DCC: variants seen among roughly 807,000 people sequenced by gnomAD.
The protein encoded by DCC is netrin receptor DCC.
In DCC, 58 loss-of-function variants were observed where a neutral mutation model predicts 172.5. That is an observed-to-expected ratio of 0.34 (90% CI 0.27 to 0.42). DCC has a LOEUF of 0.42. Ranked by LOEUF, DCC falls within the 10% of genes least tolerant of loss-of-function variation. DCC has a pLI of 1.00. For missense variants in DCC, 1,740 were observed against 1,791.0 expected (o/e 0.97, Z 0.51); for synonymous variants, 709 against 644.5 (o/e 1.10, Z -1.52).
chr18:53,355,745 A>G (rs562542989), intron 15 of DCC, among the ~76,000 whole-genome samples: 15 of 152,174 alleles, frequency 9.9e-5, no homozygotes, highest in Non-Finnish European at 2.1e-4. Context: ...CTCTTTTCCT[A>G]ATTGAATACC....
At chr18:53,496,716 G>A (rs1320685366) in intron 26 of DCC, among the ~76,000 whole-genome samples, 2 of 152,158 alleles carry the variant, frequency 1.3e-5, no homozygotes, top group Admixed American at 1.3e-4. Flanking sequence ...CCCAATGCAC[G>A]GAAGTTAAGA....
rs2045526242 is a variant in DCC at position 53,459,567 on chromosome 18, G to A, written c.3619+109G>A. ...CCCTACTAATTTGCATGTCATTATG[G>A]GTCATTTATCAATAGTTAAATGGAT... On this transcript the variant is annotated intron_variant, in intron 24 of 28. Coordinates refer to ENST00000442544, the MANE Select transcript of DCC (RefSeq NM_005215.4). The A allele has an allele frequency of 4.0e-6, 3 of 758,602 alleles. No individual in the cohort carries two copies. In the African/African-American group the frequency reaches 5.2e-5, roughly 13 times the overall value. The allele number at this position is 758,602 out of a possible 1,614,324, so 47.0% of individuals were successfully genotyped here. A position where few individuals can be genotyped will look rare whatever the true frequency, so the allele number is the denominator to read the frequency against.
At chr18:52,928,350 G>A (rs2040251623) in intron 5 of DCC, among the ~76,000 whole-genome samples, 1 of 152,040 alleles carries the variant, frequency 6.6e-6, no homozygotes, top group Non-Finnish European at 1.5e-5. Context: ...TTATTACCTG[G>A]ATGACAAAAT....
chr18:52,458,562 T>G lies in DCC; in HGVS notation c.91+117684T>G, dbSNP rs1988529221. ...GTTCCTCTCTTACACCCTTTTTCTT[T>G]TCCTTCCCCCATCCTACTCCTAACA... On this transcript the variant is annotated intron_variant, in intron 1 of 28. Coordinates refer to ENST00000442544, the MANE Select transcript of DCC (RefSeq NM_005215.4). Among the ~76,000 whole-genome samples the G allele has an allele frequency of 3.9e-5, 6 of 152,156 alleles. No individual in the cohort carries two copies. The South Asian group carries it at 1.2e-3, about 32-fold the overall frequency.
At chr18:53,402,398 A>AT (rs1568108991) in intron 18 of DCC, among the ~76,000 whole-genome samples, 8 of 62,380 alleles carry the variant, frequency 1.3e-4, no homozygotes, top group Admixed American at 3.5e-4. Flanking sequence ...TCAAAAAAAA[A>AT]AAAAAATAAA....
chr18:52,780,360 T>C (rs6508160), intron 2 of DCC, among the ~76,000 whole-genome samples: 148,963 of 152,238 alleles, frequency 0.98, 72,959 homozygotes, highest in East Asian at 1. Flanking sequence ...AATTATTAAT[T>C]CCAGTTTTTA....
chr18:53,451,481 G>A (rs566263958), intron 23 of DCC, among the ~76,000 whole-genome samples: 9 of 152,232 alleles, frequency 5.9e-5, no homozygotes, highest in Admixed American at 5.2e-4. Flanking sequence ...TCAGCCTGAT[G>A]TGTCTTTTTC....
chr18:52,495,180 G>A (rs1289104700), intron 1 of DCC, among the ~76,000 whole-genome samples: 1 of 152,104 alleles, frequency 6.6e-6, no homozygotes, highest in Non-Finnish European at 1.5e-5. Context: ...CTGCTTCTCA[G>A]AGGCTTTGTA....
intron 21 of DCC, among the ~76,000 whole-genome samples, chr18:53,420,022 T>G (rs938531207): frequency 6.6e-6 from 1 of 151,782 alleles, no homozygotes; most frequent in Non-Finnish European, 1.5e-5. Context: ...CCTGGCTAAT[T>G]TTTTTGTCTT....
chr18:53,320,177 A>G lies in DCC; in HGVS notation c.2054-1870A>G, dbSNP rs184661403. Among the ~76,000 whole-genome samples, 681 of 143,256 alleles carry G rather than the reference A, an allele frequency of 4.8e-3. 8 individuals are homozygous for G. Among genetic ancestry groups the G allele is most frequent in the African/African-American group, 0.017 (634 of 38,022 alleles). The allele number at this position is 143,256 out of a possible 152,430, so 94.0% of individuals were successfully genotyped here. On this transcript the variant is annotated intron_variant, in intron 13 of 28. Coordinates refer to ENST00000442544, the MANE Select transcript of DCC (RefSeq NM_005215.4). ...AAGCTCTGCCTCCCGGGTCCATGCCATTCTCCTGCCTCAGCCTCCCGAGTA... is the reference window on the plus strand; with the variant it reads ...AAGCTCTGCCTCCCGGGTCCATGCCGTTCTCCTGCCTCAGCCTCCCGAGTA...
At chr18:52,789,442 C>T (rs147381161) in intron 2 of DCC, among the ~76,000 whole-genome samples, 4 of 152,144 alleles carry the variant, frequency 2.6e-5, no homozygotes, top group Non-Finnish European at 4.4e-5. Context: ...CAAGAAGAGA[C>T]AAACATAAAG....
intron 2 of DCC, among the ~76,000 whole-genome samples, chr18:52,781,613 TCATC>T (rs1414522234): frequency 5.3e-5 from 8 of 151,884 alleles, no homozygotes; most frequent in Non-Finnish European, 7.4e-5. Context: ...GCCATCCACT[TCATC>T]CTCCAGTCTG....
intron 1 of DCC, among the ~76,000 whole-genome samples, chr18:52,500,006 C>T (rs1015602537): frequency 6.6e-6 from 1 of 152,116 alleles, no homozygotes; most frequent in Admixed American, 6.6e-5. Flanking sequence ...ACACCTTTCC[C>T]AGCCTCCATT....
At position 53,531,029 on chromosome 18, in the gene DCC, G is replaced by C. The variant is rs1324133075; in HGVS notation, c.*376G>C. The C allele has an allele frequency of 2.9e-6, 1 of 345,692 alleles. No individual in the cohort carries two copies. The highest frequency in any genetic ancestry group is 6.9e-5 in the East Asian group (1 of 14,394). 21.4% of individuals were successfully genotyped at this position (345,692 alleles called of 1,614,324 possible). ...ATGTGTAGGTCTAGTCTTACAAAAT[G>C]CAAGTGCATTATTTAAGCCTGTACC... On this transcript the variant is annotated 3_prime_UTR_variant, in exon 29 of 29. Coordinates refer to ENST00000442544, the MANE Select transcript of DCC (RefSeq NM_005215.4).
chr18:53,163,961 C>G (rs889470397), intron 8 of DCC, among the ~76,000 whole-genome samples: 2 of 152,126 alleles, frequency 1.3e-5, no homozygotes, highest in Non-Finnish European at 2.9e-5. Flanking sequence ...AGTATGTTTA[C>G]CAAGATGAGA....
At chr18:52,946,800 T>C (rs1170314422) in intron 5 of DCC, among the ~76,000 whole-genome samples, 2 of 152,130 alleles carry the variant, frequency 1.3e-5, no homozygotes, top group South Asian at 2.1e-4. Flanking sequence ...AGAATTGTGA[T>C]CAATAATTTA....
chr18:53,370,439 T>C (rs1285068045), intron 15 of DCC, among the ~76,000 whole-genome samples: 1 of 151,778 alleles, frequency 6.6e-6, no homozygotes, highest in East Asian at 1.9e-4. Context: ...ATTCTCTATT[T>C]ATCTCTGCTC....
intron 12 of DCC, among the ~76,000 whole-genome samples, chr18:53,295,105 AT>A: frequency 6.6e-6 from 1 of 152,202 alleles, no homozygotes; most frequent in Admixed American, 6.5e-5. Flanking sequence ...CTGCACAAAT[AT>A]TTACTTCAAA....
intron 1 of DCC, among the ~76,000 whole-genome samples, chr18:52,447,295 G>A (rs539588569): frequency 1.8e-4 from 27 of 152,228 alleles, no homozygotes; most frequent in Admixed American, 3.9e-4. Flanking sequence ...GATAGTGAGG[G>A]ATCAAAGAGG....
Sources: allele counts gnomAD v4.1 joint callset (sites outside exome capture counted in the v4.1 genomes callset), GRCh38; gene constraint gnomAD v4.1.1; transcripts MANE v1.5; gene names NCBI Gene and HGNC (gene_info 2026-07-23, HGNC 2026-07-21).